CNTN6: variants seen among roughly 807,000 people sequenced by gnomAD.
CNTN6 encodes contactin-6.
In CNTN6, 137 loss-of-function variants were observed where a neutral mutation model predicts 122.8. That is an observed-to-expected ratio of 1.12 (90% CI 0.97 to 1.29). CNTN6 has a LOEUF of 1.29. Ranked by LOEUF, CNTN6 falls within the 50% of genes most tolerant of loss-of-function variation. CNTN6 has a pLI of 0.00. For missense variants in CNTN6, 1,634 were observed against 1,223.4 expected, an observed-to-expected ratio of 1.34 and a Z score of -5.01; for synonymous variants, 570 against 426.0, an observed-to-expected ratio of 1.34 and a Z score of -4.16.
chr3:1,231,340 G>A lies in CNTN6; in HGVS notation c.358+3347G>A, dbSNP rs556944790. On this transcript the variant is annotated intron_variant, in intron 4 of 22. Coordinates refer to ENST00000446702, the MANE Select transcript of CNTN6 (RefSeq NM_001289080.2). ...GGATCAACTCCCTTGCTTCCTGTCC[G>A]TTGGCAGTCCATTGTAAAATGTCAC... Among the ~76,000 whole-genome samples the A allele has an allele frequency of 1.3e-4, 20 of 152,310 alleles. No homozygotes were observed. The East Asian group carries it at 1.4e-3, about 10-fold the overall frequency.
intron 4 of CNTN6, among the ~76,000 whole-genome samples, chr3:1,229,165 A>G (rs1453957772): frequency 1.3e-5 from 2 of 152,230 alleles, no homozygotes; most frequent in Non-Finnish European, 2.9e-5. Flanking sequence ...AAGGTGGGAA[A>G]GGGCCAGTGG....
intron 1 of CNTN6, among the ~76,000 whole-genome samples, chr3:1,099,751 T>C (rs1463614906): frequency 2.0e-5 from 3 of 152,220 alleles, no homozygotes; most frequent in Non-Finnish European, 4.4e-5. Flanking sequence ...ATGATGTTGA[T>C]GAAGTTGGAC....
chr3:1,312,614 CAAAAA>C (rs5846106), intron 7 of CNTN6, among the ~76,000 whole-genome samples: 19 of 137,906 alleles, frequency 1.4e-4, no homozygotes, highest in East Asian at 2.2e-4. Context: ...GCCTCTTATA[CAAAAA>C]AAAAAAAAAA....
intron 2 of CNTN6, among the ~76,000 whole-genome samples, chr3:1,172,323 T>A (rs529210866): frequency 6.7e-6 from 1 of 150,262 alleles, no homozygotes; most frequent in South Asian, 2.1e-4. Context: ...AAATTGAAAC[T>A]GACTTTTTAT....
At chr3:1,349,784 A>C (rs148452070) in intron 11 of CNTN6, among the ~76,000 whole-genome samples, 2,084 of 151,816 alleles carry the variant, frequency 0.014, 56 homozygotes, top group African/African-American at 0.047. Flanking sequence ...CAGGTTGTTT[A>C]ATTCTGTTTA....
intron 20 of CNTN6, among the ~76,000 whole-genome samples, chr3:1,396,115 A>G (rs1319979679): frequency 6.6e-6 from 1 of 152,174 alleles, no homozygotes. Context: ...TCTATTCCAG[A>G]GAATGTAGAC....
intron 17 of CNTN6, among the ~76,000 whole-genome samples, chr3:1,380,000 G>C (rs988915793): frequency 1.3e-5 from 2 of 152,182 alleles, no homozygotes; most frequent in African/African-American, 4.8e-5. Context: ...TGAATGCTCA[G>C]AAGCGTAGAG....
At chr3:1,149,677 T>C (rs993470113) in intron 2 of CNTN6, among the ~76,000 whole-genome samples, 7 of 152,162 alleles carry the variant, frequency 4.6e-5, no homozygotes, top group Non-Finnish European at 1.0e-4. Context: ...GGTTAAATAA[T>C]AGTGTATTCT....
chr3:1,321,801 A>G lies in CNTN6; in HGVS notation c.913A>G (p.Arg305Gly), dbSNP rs921404133. 6.2e-7 allele frequency: 1 copy of G among 1,609,258 alleles called. No homozygotes were observed. Among genetic ancestry groups the G allele is most frequent in the Middle Eastern group, 1.7e-4 (1 of 6,024 alleles). Reference sequence around the variant, plus strand: ...GTGCATTGCAAGCAACCTTCGAGGAAGAAACCTTGCAAAGGGTCAACTCAT... The same window carrying G: ...GTGCATTGCAAGCAACCTTCGAGGAGGAAACCTTGCAAAGGGTCAACTCAT... ...YECIASNLRG[R>G]NLAKGQLIFY... The change falls in exon 8 of 23, where the codon AGA (arginine) becomes GGA (glycine). Residue 305 changes from arginine to glycine, a missense_variant. Arg to Gly is a moderately radical substitution (Grantham distance 125). Coordinates refer to ENST00000446702, the MANE Select transcript of CNTN6 (RefSeq NM_001289080.2).
At chr3:1,284,266 G>T (rs1693971988) in intron 5 of CNTN6, among the ~76,000 whole-genome samples, 1 of 152,066 alleles carries the variant, frequency 6.6e-6, no homozygotes, top group African/African-American at 2.4e-5. Flanking sequence ...CCAAGCAAAG[G>T]CTCACAATTG....
chr3:1,398,890 G>A (rs936768705), intron 20 of CNTN6, among the ~76,000 whole-genome samples: 11 of 152,028 alleles, frequency 7.2e-5, no homozygotes, highest in East Asian at 1.9e-4. Flanking sequence ...AACTCTTCTC[G>A]TTTTATGCCC....
intron 1 of CNTN6, among the ~76,000 whole-genome samples, chr3:1,127,552 A>G (rs1430799101): frequency 6.6e-6 from 1 of 151,942 alleles, no homozygotes; most frequent in African/African-American, 2.4e-5. Context: ...GTAAATGATA[A>G]CACTAGCCAA....
intron 4 of CNTN6, among the ~76,000 whole-genome samples, chr3:1,245,983 C>G (rs957292753): frequency 6.6e-6 from 1 of 152,120 alleles, no homozygotes; most frequent in African/African-American, 2.4e-5. Flanking sequence ...GGGCCACATT[C>G]AAAGCCATCC....
chr3:1,376,914 A>G (rs905099126), intron 16 of CNTN6, 91 bp from the exon 17 acceptor site: 3 of 847,644 alleles, frequency 3.5e-6, no homozygotes, highest in African/African-American at 3.4e-5. Flanking sequence ...CCTGTGTGAG[A>G]TTTTGAAAAG....
At chr3:1,129,883 A>G (rs2092289826) in intron 1 of CNTN6, among the ~76,000 whole-genome samples, 1 of 151,912 alleles carries the variant, frequency 6.6e-6, no homozygotes, top group South Asian at 2.1e-4. Flanking sequence ...TCATTTGTAT[A>G]AAATAGTTTG....
Position 1,266,912 on chromosome 3 carries a change from C to T in CNTN6, c.359-11501C>T, listed in dbSNP as rs149505356. On this transcript the variant is annotated intron_variant, in intron 4 of 22. Coordinates refer to ENST00000446702, the MANE Select transcript of CNTN6 (RefSeq NM_001289080.2). ...TTACAAGTGAGCTTCTGGCCAGACTCCCTCAGACCTCTGGGAAGCCAGTGG... is the reference window on the plus strand; with the variant it reads ...TTACAAGTGAGCTTCTGGCCAGACTTCCTCAGACCTCTGGGAAGCCAGTGG... Among the ~76,000 whole-genome samples, 354 of 151,752 alleles carry T rather than the reference C, an allele frequency of 2.3e-3. 4 individuals are homozygous for T. The highest frequency in any genetic ancestry group is 2.8e-3 in the Non-Finnish European group (190 of 67,968).
intron 11 of CNTN6, among the ~76,000 whole-genome samples, chr3:1,330,737 A>C (rs1303851300): frequency 6.6e-6 from 1 of 151,902 alleles, no homozygotes; most frequent in Non-Finnish European, 1.5e-5. Flanking sequence ...ACTTATATGC[A>C]TACCAGGATG....
chr3:1,280,459 A>ATTTTTTTTTTTTTTTTTTTTTTTTTTTT lies in CNTN6; in HGVS notation c.454+1974_454+1975insTTTTTTTTTTTTTTTTTTTTTTTTTTTT, dbSNP rs71619483. Among the ~76,000 whole-genome samples the ATTTTTTTTTTTTTTTTTTTTTTTTTTTT allele has an allele frequency of 5.6e-4, 37 of 66,620 alleles. 9 individuals carry two copies. The highest frequency in any genetic ancestry group is 7.3e-4 in the African/African-American group (12 of 16,352). 43.7% of individuals were successfully genotyped at this position (66,620 alleles called of 152,430 possible). A position where few individuals can be genotyped will look rare whatever the true frequency, so the allele number is the denominator to read the frequency against. ...GTAATGGCAAACTTGTGTAATACCAATTTTTTTTTTTTTTTTTTTTTTTGT... is the reference window on the plus strand; with the variant it reads ...GTAATGGCAAACTTGTGTAATACCAATTTTTTTTTTTTTTTTTTTTTTTTTTTTTTTTTTTTTTTTTTTTTTTTTTTGT... On this transcript the variant is annotated intron_variant, in intron 5 of 22. Coordinates refer to ENST00000446702, the MANE Select transcript of CNTN6 (RefSeq NM_001289080.2).
At chr3:1,248,505 G>A (rs911261927) in intron 4 of CNTN6, among the ~76,000 whole-genome samples, 2 of 152,136 alleles carry the variant, frequency 1.3e-5, no homozygotes, top group African/African-American at 4.8e-5. Flanking sequence ...GGAAAATTAA[G>A]TTCAGAGAAG....
Sources: allele counts gnomAD v4.1 joint callset (sites outside exome capture counted in the v4.1 genomes callset), GRCh38; gene constraint gnomAD v4.1.1; transcripts MANE v1.5; gene names NCBI Gene and HGNC (gene_info 2026-07-23, HGNC 2026-07-21).